The following COBLL1 variants were observed in gnomAD, a reference collection of about 807,000 sequenced individuals.
COBLL1 encodes cordon-bleu protein-like 1.
A neutral mutation model predicts 94.8 loss-of-function variants in COBLL1; 50 were observed. The observed-to-expected ratio is 0.53, with a 90% CI of 0.42 to 0.67. The LOEUF (loss-of-function observed/expected upper bound fraction) is 0.67, where lower values mean the gene tolerates loss of function less well. COBLL1 is among the 30% of genes least tolerant of loss of function. The probability of loss-of-function intolerance (pLI) is 0.00; values close to 1 mark genes in which losing one functional copy is unlikely to be tolerated. For missense variants in COBLL1, 1,362 were observed against 1,348.7 expected, an observed-to-expected ratio of 1.01 and a Z score of -0.15; for synonymous variants, 448 against 473.8, an observed-to-expected ratio of 0.95 and a Z score of 0.71.
intron 2 of COBLL1, among the ~76,000 whole-genome samples, chr2:164,786,458 A>G (rs1439031780): frequency 6.6e-6 from 1 of 152,306 alleles, no homozygotes; most frequent in African/African-American, 2.4e-5. Flanking sequence ...GTTGAAGTAG[A>G]ACTGAGACAT....
chr2:164,822,223 T>C (rs1358271430), intron 2 of COBLL1, among the ~76,000 whole-genome samples: 1 of 152,222 alleles, frequency 6.6e-6, no homozygotes, highest in Non-Finnish European at 1.5e-5. Flanking sequence ...CCAGTGACCC[T>C]TGGACTATTT....
chr2:164,743,668 T>G lies in COBLL1; in HGVS notation c.230+19A>C. 1 of 1,596,964 alleles carries G rather than the reference T, an allele frequency of 6.3e-7. No individual in the cohort carries two copies. The highest frequency in any genetic ancestry group is 8.6e-7 in the Non-Finnish European group (1 of 1,164,730). ...GAATAAGAAGGGGAGGTCCTGATAT[T>G]TCATTTACTCCAGCGTACCTGCCAT... On this transcript the variant is annotated intron_variant, in intron 3 of 13. Coordinates refer to ENST00000652658, the MANE Select transcript of COBLL1 (RefSeq NM_001365672.2).
chr2:164,766,012 C>A (rs960312015), intron 2 of COBLL1, among the ~76,000 whole-genome samples: 1 of 152,014 alleles, frequency 6.6e-6, no homozygotes, highest in Non-Finnish European at 1.5e-5. Flanking sequence ...TCTATATTTG[C>A]TTTTTTTGGA....
Position 164,805,342 on chromosome 2 carries a change from T to TATAAATATATATGTATAAATATATATAA in COBLL1, c.41+35813_41+35814insTTATATATATTTATACATATATATTTAT. ...CTCTCTCTCTCTCTCTCTCTCTATA[T>TATAAATATATATGTATAAATATATATAA]ATATATATATATATATATATAAAAC... On this transcript the variant is annotated intron_variant, in intron 2 of 13. Transcript: ENST00000652658. 3.7e-3 allele frequency among the ~76,000 whole-genome samples: 324 copies of TATAAATATATATGTATAAATATATATAA among 87,652 alleles called. 22 individuals carry two copies. The highest frequency in any genetic ancestry group is 0.015 in the African/African-American group (310 of 21,230). The allele number at this position is 87,652 out of a possible 152,430, so 57.5% of individuals were successfully genotyped here. A position where few individuals can be genotyped will look rare whatever the true frequency, so the allele number is the denominator to read the frequency against.
Position 164,685,797 on chromosome 2 carries a change from CT to C in COBLL1, c.*148del. On this transcript the variant is annotated 3_prime_UTR_variant, in exon 14 of 14. Transcript: ENST00000652658. ...TAAATTATAAATTCTGGTAACTTTT[CT>C]TCTGGCATTAAAAGCCACAACACAA... is the stretch of plus-strand genomic sequence containing the variant. The C allele has an allele frequency of 2.4e-6, 1 of 412,350 alleles. No homozygotes were observed. Among genetic ancestry groups the C allele is most frequent in the Non-Finnish European group, 4.4e-6 (1 of 229,150 alleles). The allele number at this position is 412,350 out of a possible 1,614,324, so 25.5% of individuals were successfully genotyped here. A position where few individuals can be genotyped will look rare whatever the true frequency, so the allele number is the denominator to read the frequency against.
intron 2 of COBLL1, among the ~76,000 whole-genome samples, chr2:164,664,372 G>A (rs1388021515): frequency 6.6e-6 from 1 of 152,192 alleles, no homozygotes; most frequent in East Asian, 1.9e-4. Context: ...AAAGAATAGA[G>A]TCACATTAGA....
intron 2 of COBLL1, among the ~76,000 whole-genome samples, chr2:164,800,964 G>T (rs1345472713): frequency 1.3e-5 from 2 of 152,152 alleles, no homozygotes; most frequent in African/African-American, 4.8e-5. Context: ...TCTATGTCCT[G>T]ATAGTGGTGG....
At position 164,766,672 on chromosome 2, in the gene COBLL1, C is replaced by T. The variant is rs538533819; in HGVS notation, c.42-22797G>A. Reference sequence around the variant, plus strand: ...TCTCAGGTATTTCTTTATAGCAGTGCGAGAACGAACTAATACAGTATGTCA... The same window carrying T: ...TCTCAGGTATTTCTTTATAGCAGTGTGAGAACGAACTAATACAGTATGTCA... On this transcript the variant is annotated intron_variant, in intron 2 of 13. Transcript: ENST00000652658. Among the ~76,000 whole-genome samples the T allele has an allele frequency of 8.5e-5, 13 of 152,162 alleles. No homozygotes were observed. In the East Asian group the frequency reaches 2.5e-3, roughly 29 times the overall value.
chr2:164,733,076 C>T (rs1273216464), intron 3 of COBLL1, among the ~76,000 whole-genome samples: 1 of 152,110 alleles, frequency 6.6e-6, no homozygotes, highest in Non-Finnish European at 1.5e-5. Flanking sequence ...CAAAACAAAA[C>T]ACAAAACAAA....
At chr2:164,780,888 C>T (rs774566352) in intron 2 of COBLL1, among the ~76,000 whole-genome samples, 1 of 152,138 alleles carries the variant, frequency 6.6e-6, no homozygotes, top group Non-Finnish European at 1.5e-5. Context: ...ATGTAATTCT[C>T]AGTCAGTAAT....
At chr2:164,729,563 T>C (rs903593853) in intron 4 of COBLL1, among the ~76,000 whole-genome samples, 5 of 152,082 alleles carry the variant, frequency 3.3e-5, no homozygotes, top group African/African-American at 1.2e-4. Flanking sequence ...GCTTACCAAG[T>C]ACACAGAAGC....
rs1367603436 is a variant in COBLL1 at position 164,681,053 on chromosome 2, T to C, written c.*4893A>G. ...TGTGTTGGATTTAGTAAGTCATCTG[T>C]GAGATTCTGGAGGAAACAGCGTTGT... On this transcript the variant is annotated 3_prime_UTR_variant, in exon 14 of 14. Transcript: ENST00000652658. The C allele has an allele frequency of 6.6e-6, 1 of 152,172 alleles. No homozygotes were observed. The highest frequency in any genetic ancestry group is 1.5e-5 in the Non-Finnish European group (1 of 68,030). 9.4% of individuals were successfully genotyped at this position (152,172 alleles called of 1,614,324 possible). A position where few individuals can be genotyped will look rare whatever the true frequency, so the allele number is the denominator to read the frequency against.
intron 2 of COBLL1, among the ~76,000 whole-genome samples, chr2:164,822,725 G>GATTAT (rs777003150): frequency 7.2e-6 from 1 of 139,480 alleles, no homozygotes; most frequent in Non-Finnish European, 1.6e-5. Flanking sequence ...TCTCTGAAAA[G>GATTAT]ATTATATTAT....
At position 164,729,982 on chromosome 2, in the gene COBLL1, C is replaced by T; in HGVS notation, c.364G>A (p.Glu122Lys). The T allele has an allele frequency of 6.2e-7, 1 of 1,614,050 alleles. No individual in the cohort carries two copies. Residue 122 changes from glutamate (E) to lysine (K), a missense_variant, in exon 4 of 14, where the codon GAG becomes AAG. Physicochemically the swap from Glu to Lys is moderately conservative, Grantham distance 56. Transcript: ENST00000652658. ...GGCTTTAAAATTACCTTCTCTACCTCCAACATTCCTATTGGTGTGTTTGGC... is the reference window on the plus strand; with the variant it reads ...GGCTTTAAAATTACCTTCTCTACCTTCAACATTCCTATTGGTGTGTTTGGC... ...FKPNTPIGML[E>K]VEKVILKPKM...
chr2:164,751,756 A>T (rs993821538), intron 2 of COBLL1, among the ~76,000 whole-genome samples: 1 of 152,152 alleles, frequency 6.6e-6, no homozygotes, highest in Non-Finnish European at 1.5e-5. Context: ...AGACATGCAC[A>T]TGGATAAAAG....
chr2:164,722,573 C>T (rs1017988222), intron 5 of COBLL1, 51 bp from the exon 6 acceptor site: 3 of 993,924 alleles, frequency 3.0e-6, no homozygotes, highest in African/African-American at 3.3e-5. Flanking sequence ...TGACTGTTCA[C>T]TTCCAAGATT....
chr2:164,809,304 GAAAT>G (rs1684344773), intron 2 of COBLL1, among the ~76,000 whole-genome samples: 1 of 151,774 alleles, frequency 6.6e-6, no homozygotes. Context: ...AACTACAAAG[GAAAT>G]AAATATTCAT....
intron 2 of COBLL1, among the ~76,000 whole-genome samples, chr2:164,750,132 C>T (rs1299149520): frequency 1.3e-5 from 2 of 152,184 alleles, no homozygotes; most frequent in Admixed American, 6.5e-5. Context: ...TGTCAGTGGC[C>T]GTCAAATTTA....
At chr2:164,659,649 T>A (rs1307656234) in intron 2 of COBLL1, among the ~76,000 whole-genome samples, 1 of 152,206 alleles carries the variant, frequency 6.6e-6, no homozygotes, top group Non-Finnish European at 1.5e-5. Context: ...TAAGTCCTTA[T>A]AAGCATTATA....
Sources: allele counts gnomAD v4.1 joint callset (sites outside exome capture counted in the v4.1 genomes callset), GRCh38; gene constraint gnomAD v4.1.1; transcripts MANE v1.5; gene names NCBI Gene and HGNC (gene_info 2026-07-23, HGNC 2026-07-21).